ARHGAP6: variants seen among roughly 807,000 people sequenced by gnomAD.
The protein encoded by ARHGAP6 is Rho GTPase activating protein 6.
A neutral mutation model predicts 55.7 loss-of-function variants in ARHGAP6; 16 were observed. That is an observed-to-expected ratio of 0.29 (90% confidence interval 0.19 to 0.44). The LOEUF (loss-of-function observed/expected upper bound fraction) is 0.44. Ranked by LOEUF, ARHGAP6 falls within the 20% of genes least tolerant of loss-of-function variation. The pLI, the probability that ARHGAP6 is intolerant of heterozygous loss-of-function variation, is 1.00. For synonymous variants in ARHGAP6, 382 were observed against 360.9 expected (o/e 1.06, Z -0.66); for missense variants, 698 against 808.9 (o/e 0.86, Z 1.66).
intron 1 of ARHGAP6, among the ~76,000 whole-genome samples, chrX:11,379,074 G>A (rs958616776): frequency 8.9e-6 from 1 of 112,530 alleles, no homozygotes; most frequent in African/African-American, 3.2e-5. Flanking sequence ...TCTGCAGGGG[G>A]CTGTGCTCTA....
rs558867795 is a variant in ARHGAP6 at position 11,160,456 on chromosome X, CA to C, written c.1810-3831del. Among the ~76,000 whole-genome samples, 687 of 75,376 alleles carry C rather than the reference CA, an allele frequency of 9.1e-3. 4 individuals are homozygous for C. The highest frequency in any genetic ancestry group is 0.025 in the African/African-American group (494 of 19,790). 65.5% of individuals were successfully genotyped at this position (75,376 alleles called of 115,157 possible). On this transcript the variant is annotated intron_variant, in intron 9 of 12. Coordinates refer to ENST00000337414, the MANE Select transcript of ARHGAP6 (RefSeq NM_013427.3). ...TGGGTGACAGAGCGAGACTCTGTCTCAAAAAAAAAAAAAAAATTTCGCTCCA... is the reference window on the plus strand; with the variant it reads ...TGGGTGACAGAGCGAGACTCTGTCTCAAAAAAAAAAAAAAATTTCGCTCCA...
intron 1 of ARHGAP6, among the ~76,000 whole-genome samples, chrX:11,324,689 G>C (rs1006018045): frequency 1.2e-4 from 13 of 111,731 alleles, no homozygotes; most frequent in African/African-American, 4.2e-4. Flanking sequence ...AGGACCCTTA[G>C]TTCTTTAGAG....
rs2046145823 is a variant in ARHGAP6 at position 11,174,556 on chromosome X, TCCTTCC to T, written c.1629+3538_1629+3543del. Among the ~76,000 whole-genome samples the T allele has an allele frequency of 6.0e-5, 5 of 83,854 alleles. 1 individual carries two copies. In the South Asian group the frequency reaches 2.7e-3, roughly 46 times the overall value. The allele number at this position is 83,854 out of a possible 115,157, so 72.8% of individuals were successfully genotyped here. On this transcript the variant is annotated intron_variant, in intron 8 of 12. Coordinates refer to ENST00000337414, the MANE Select transcript of ARHGAP6 (RefSeq NM_013427.3). ...TTCCTTCCTTCCTTCCTTCCTTCCT[TCCTTCC>T]TTCCTTCCTTCCTTTCTTTCTTTCT...
At chrX:11,660,864 A>G (rs2052694768) in intron 1 of ARHGAP6, among the ~76,000 whole-genome samples, 1 of 110,783 alleles carries the variant, frequency 9.0e-6, no homozygotes, top group African/African-American at 3.3e-5. Context: ...TGGACAGTGA[A>G]GCCTTTCAAG....
chrX:11,143,789 A>C, intron 11 of ARHGAP6, 191 bp downstream of exon 11: 1 of 1,146,151 alleles, frequency 8.7e-7, no homozygotes, highest in Non-Finnish European at 1.2e-6. Flanking sequence ...CCAGCCAACG[A>C]CTGGGCTCGC....
chrX:11,247,047 C>T, intron 2 of ARHGAP6, among the ~76,000 whole-genome samples: 1 of 111,872 alleles, frequency 8.9e-6, no homozygotes, highest in Non-Finnish European at 1.9e-5. Context: ...CAGTGTTGGC[C>T]TAGCAAGAAT....
chrX:11,481,628 C>T (rs1239400445), intron 1 of ARHGAP6, among the ~76,000 whole-genome samples: 1 of 112,499 alleles, frequency 8.9e-6, no homozygotes, highest in Non-Finnish European at 1.9e-5. Context: ...TACAAGACAC[C>T]CAGTTAAACC....
At chrX:11,488,164 T>C (rs1420217264) in intron 1 of ARHGAP6, among the ~76,000 whole-genome samples, 1 of 112,199 alleles carries the variant, frequency 8.9e-6, no homozygotes, top group Non-Finnish European at 1.9e-5. Flanking sequence ...GTACAACTTA[T>C]GATCCTGGAC....
chrX:11,381,320 T>G (rs1462385034), intron 1 of ARHGAP6, among the ~76,000 whole-genome samples: 1 of 112,477 alleles, frequency 8.9e-6, no homozygotes, highest in East Asian at 2.8e-4. Context: ...CCAATATCTA[T>G]CTCTATGATC....
At chrX:11,366,368 A>G (rs1426117341) in intron 1 of ARHGAP6, among the ~76,000 whole-genome samples, 3 of 112,530 alleles carry the variant, frequency 2.7e-5, no homozygotes, top group Non-Finnish European at 5.6e-5. Flanking sequence ...ACATACATTC[A>G]GATTCCACCT....
intron 2 of ARHGAP6, among the ~76,000 whole-genome samples, chrX:11,215,755 G>A (rs1244621556): frequency 8.9e-6 from 1 of 112,456 alleles, no homozygotes; most frequent in African/African-American, 3.2e-5. Context: ...CAGGGGAGCC[G>A]GAAGAAGGTG....
intron 1 of ARHGAP6, among the ~76,000 whole-genome samples, chrX:11,597,834 G>C (rs1458358365): frequency 2.7e-5 from 3 of 112,237 alleles, no homozygotes; most frequent in Non-Finnish European, 5.6e-5. Context: ...GGAGAGGATA[G>C]AGAGTTGGGG....
chrX:11,187,683 G>T (rs1037648642), intron 4 of ARHGAP6, among the ~76,000 whole-genome samples: 3 of 111,847 alleles, frequency 2.7e-5, no homozygotes, highest in African/African-American at 9.8e-5. Context: ...AAGTGTCTGG[G>T]GTTTTAACTA....
chrX:11,149,134 C>T (rs757453415), intron 10 of ARHGAP6, among the ~76,000 whole-genome samples: 1 of 112,061 alleles, frequency 8.9e-6, no homozygotes, highest in Admixed American at 9.4e-5. Context: ...CATTTTTAGT[C>T]CTTATTAATT....
intron 2 of ARHGAP6, among the ~76,000 whole-genome samples, chrX:11,233,503 A>G (rs2047160794): frequency 1.8e-5 from 2 of 111,505 alleles, no homozygotes; most frequent in South Asian, 7.6e-4. Flanking sequence ...CTAGTTACCC[A>G]TAAACAATTA....
At chrX:11,544,179 C>T (rs965181511) in intron 1 of ARHGAP6, among the ~76,000 whole-genome samples, 15 of 111,872 alleles carry the variant, frequency 1.3e-4, no homozygotes, top group African/African-American at 4.9e-4. Flanking sequence ...AGGTATGTTG[C>T]CCATGTAATG....
intron 1 of ARHGAP6, among the ~76,000 whole-genome samples, chrX:11,585,915 C>G (rs5979424): frequency 0.25 from 27,920 of 110,272 alleles, 2,749 homozygotes; most frequent in Middle Eastern, 0.36. Context: ...TCCAGAGCAA[C>G]AGGAAGTGGG....
At chrX:11,637,014 A>G (rs1267527491) in intron 1 of ARHGAP6, among the ~76,000 whole-genome samples, 2 of 111,720 alleles carry the variant, frequency 1.8e-5, no homozygotes, top group African/African-American at 6.5e-5. Context: ...GCAAAGTGAA[A>G]TTAAAAGGCC....
intron 1 of ARHGAP6, among the ~76,000 whole-genome samples, chrX:11,491,190 C>A (rs935424877): frequency 2.1e-4 from 24 of 111,887 alleles, no homozygotes; most frequent in Middle Eastern, 4.6e-3. Context: ...CAGAACAAAT[C>A]AAAAATTCTT....
Sources: allele counts gnomAD v4.1 joint callset (sites outside exome capture counted in the v4.1 genomes callset), GRCh38; gene constraint gnomAD v4.1.1; transcripts MANE v1.5; gene names NCBI Gene and HGNC (gene_info 2026-07-23, HGNC 2026-07-21).